Variants in FER observed in about 807,000 individuals in gnomAD.
FER encodes the protein tyrosine-protein kinase Fer.
FER carries 63 observed loss-of-function variants against 111.0 expected under a neutral mutation model. That is an observed-to-expected ratio of 0.57 (90% CI 0.46 to 0.70). FER has a LOEUF of 0.70. FER is among the 30% of genes least tolerant of loss of function. The probability of loss-of-function intolerance (pLI) is 0.00; values close to 1 mark genes in which losing one functional copy is unlikely to be tolerated. For synonymous variants in FER, 327 were observed against 313.9 expected, an observed-to-expected ratio of 1.04 and a Z score of -0.44; for missense variants, 914 against 954.0, an observed-to-expected ratio of 0.96 and a Z score of 0.55.
intron 9 of FER, chr5:108,891,415 A>G (rs1748029654): frequency 6.6e-6 from 1 of 151,996 alleles, no homozygotes; most frequent in South Asian, 2.1e-4. Context: ...AAAATTTTTT[A>G]ATTTTAAAGA....
intron 17 of FER, among the ~76,000 whole-genome samples, chr5:109,107,111 C>T (rs1749027379): frequency 6.6e-6 from 1 of 152,114 alleles, no homozygotes; most frequent in Non-Finnish European, 1.5e-5. Flanking sequence ...TAGCCATGTC[C>T]TGTGTTACAC....
chr5:108,945,986 T>A, intron 10 of FER, 144 bp from the exon 11 acceptor site: 1 of 552,656 alleles, frequency 1.8e-6, no homozygotes, highest in Non-Finnish European at 3.2e-6. Context: ...TTTGGTTATT[T>A]GTTATCTTGA....
chr5:108,962,706 C>T (rs1013068944), intron 13 of FER, among the ~76,000 whole-genome samples: 1 of 152,124 alleles, frequency 6.6e-6, no homozygotes, highest in Non-Finnish European at 1.5e-5. Context: ...TCTCATTTAA[C>T]CTCACATATT....
rs925298939 is a variant in FER, at chr5:109,188,433, AAGTTAG to A, written c.*863_*868del. 2.0e-5 allele frequency: 3 copies of A among 150,986 alleles called. No homozygotes were observed. The highest frequency in any genetic ancestry group is 4.4e-5 in the Non-Finnish European group (3 of 67,742). 9.4% of individuals were successfully genotyped at this position (150,986 alleles called of 1,614,324 possible). On this transcript the variant is annotated 3_prime_UTR_variant, in exon 20 of 20. Transcript: ENST00000281092. ...ACACACAACGCATGAAACGTCGTCA[AAGTTAG>A]AGTTGAGGCAGTTGCTTTTCAAGGA...
At chr5:109,139,268 T>C (rs146813038) in intron 17 of FER, among the ~76,000 whole-genome samples, 1,806 of 152,044 alleles carry the variant, frequency 0.012, 18 homozygotes, top group Non-Finnish European at 0.02. Context: ...TCTGTCTTGC[T>C]GTCAACCCTG....
intron 11 of FER, among the ~76,000 whole-genome samples, chr5:108,948,389 T>C (rs1317985562): frequency 1.3e-5 from 2 of 152,100 alleles, no homozygotes; most frequent in Non-Finnish European, 1.5e-5. Flanking sequence ...AGAATAATAT[T>C]TTAATATGTT....
rs1689421137 is a variant in FER, at chr5:109,195,256, G to C, written c.*7681G>C. On this transcript the variant is annotated 3_prime_UTR_variant, in exon 20 of 20. Coordinates refer to ENST00000281092, the MANE Select transcript of FER (RefSeq NM_005246.4). ...AATTAAAGTACGTTGCTTGTATTTA[G>C]ACTATAAGATGCTATGGAGGTCTAT... is the stretch of plus-strand genomic sequence containing the variant. The C allele has an allele frequency of 6.6e-6, 1 of 152,070 alleles. No individual in the cohort carries two copies. Among genetic ancestry groups the C allele is most frequent in the African/African-American group, 2.4e-5 (1 of 41,400 alleles). The allele number at this position is 152,070 out of a possible 1,614,324, so 9.4% of individuals were successfully genotyped here.
intron 8 of FER, among the ~76,000 whole-genome samples, chr5:108,873,163 G>C (rs546418506): frequency 6.6e-6 from 1 of 151,622 alleles, no homozygotes; most frequent in South Asian, 2.1e-4. Flanking sequence ...TTTTAATTTT[G>C]AGATGAGGTC....
rs971547634 is a variant in FER, at chr5:109,188,601, A to G, written c.*1026A>G. On this transcript the variant is annotated 3_prime_UTR_variant, in exon 20 of 20. Coordinates refer to ENST00000281092, the MANE Select transcript of FER (RefSeq NM_005246.4). ...ACCTTATCAGAGTTATGCCTTTCTA[A>G]ACATCTAAACAAACAAACATTCACA... The G allele has an allele frequency of 1.3e-5, 2 of 152,088 alleles. No homozygotes were observed. The highest frequency in any genetic ancestry group is 2.4e-5 in the African/African-American group (1 of 41,398). The allele number at this position is 152,088 out of a possible 1,614,324, so 9.4% of individuals were successfully genotyped here. A position where few individuals can be genotyped will look rare whatever the true frequency, so the allele number is the denominator to read the frequency against.
chr5:109,122,643 G>A (rs10477951), intron 17 of FER, among the ~76,000 whole-genome samples: 59,863 of 148,640 alleles, frequency 0.4, 12,021 homozygotes, highest in Non-Finnish European at 0.43. Flanking sequence ...TGTATGGATG[G>A]TATGTCCAAT....
chr5:108,790,235 C>CCACACACACACACACACACACACA (rs66805209), intron 2 of FER, among the ~76,000 whole-genome samples: 8 of 145,202 alleles, frequency 5.5e-5, no homozygotes, highest in African/African-American at 1.5e-4. Context: ...TGCATACACA[C>CCACACACACACACACACACACACA]CACACACACA....
chr5:109,173,119 A>C (rs866574814), intron 17 of FER, among the ~76,000 whole-genome samples: 2 of 152,220 alleles, frequency 1.3e-5, no homozygotes, highest in African/African-American at 2.4e-5. Flanking sequence ...TAAATGTCCA[A>C]CCAGAATTCT....
chr5:108,978,550 A>T (rs1334015789), intron 13 of FER, among the ~76,000 whole-genome samples: 2 of 152,184 alleles, frequency 1.3e-5, no homozygotes, highest in African/African-American at 4.8e-5. Context: ...GCATGATTAC[A>T]TTATTTATTG....
intron 3 of FER, among the ~76,000 whole-genome samples, chr5:108,822,709 A>ATTTATTTTATTTTATTTTATTTTAT (rs570033160): frequency 8.2e-6 from 1 of 121,516 alleles, no homozygotes; most frequent in Non-Finnish European, 1.7e-5. Context: ...ATTTTATTTT[A>ATTTATTTTATTTTATTTTATTTTAT]TTTATTTTAT....
intron 10 of FER, among the ~76,000 whole-genome samples, chr5:108,908,255 A>G (rs919766177): frequency 2.0e-5 from 3 of 152,242 alleles, no homozygotes; most frequent in Non-Finnish European, 4.4e-5. Flanking sequence ...ATTTAAATGC[A>G]TGGCTAATTT....
chr5:108,810,359 G>A (rs368375481), intron 3 of FER, among the ~76,000 whole-genome samples: 177 of 152,324 alleles, frequency 1.2e-3, no homozygotes, highest in Non-Finnish European at 2.0e-3. Flanking sequence ...TGATTGATCC[G>A]TGTAGTGCAC....
intron 2 of FER, among the ~76,000 whole-genome samples, chr5:108,791,824 T>A (rs1755414148): frequency 6.6e-6 from 1 of 152,196 alleles, no homozygotes; most frequent in Non-Finnish European, 1.5e-5. Context: ...CTCTGATACT[T>A]AGGTATGTCA....
chr5:109,160,852 A>G (rs1289380191), intron 17 of FER, among the ~76,000 whole-genome samples: 1 of 152,146 alleles, frequency 6.6e-6, no homozygotes, highest in East Asian at 1.9e-4. Context: ...TGAATTTAAG[A>G]TGAAAATAGA....
chr5:109,052,501 G>A (rs927708498), intron 16 of FER: 12 of 868,884 alleles, frequency 1.4e-5, no homozygotes, highest in East Asian at 4.8e-5. Context: ...GTGAAGTCAC[G>A]CCAGGTGATT....
Sources: allele counts gnomAD v4.1 joint callset (sites outside exome capture counted in the v4.1 genomes callset), GRCh38; gene constraint gnomAD v4.1.1; transcripts MANE v1.5; gene names NCBI Gene and HGNC (gene_info 2026-07-23, HGNC 2026-07-21).